NHSL1: variants seen among roughly 807,000 people sequenced by gnomAD.
The protein encoded by NHSL1 is NHS-like protein 1.
A neutral mutation model predicts 95.0 loss-of-function variants in NHSL1; 48 were observed. The observed-to-expected ratio is 0.51, with a 90% CI of 0.40 to 0.64. The LOEUF (loss-of-function observed/expected upper bound fraction) is 0.64. NHSL1 is among the 30% of genes least tolerant of loss of function. The probability of loss-of-function intolerance (pLI) is 0.00; values close to 1 mark genes in which losing one functional copy is unlikely to be tolerated. For missense variants in NHSL1, 1,971 were observed against 2,077.7 expected (o/e 0.95, Z 1.00); for synonymous variants, 783 against 833.9 (o/e 0.94, Z 1.05).
intron 1 of NHSL1, among the ~76,000 whole-genome samples, chr6:138,605,977 CAACTATAGGAAT>C (rs1316973336): frequency 1.3e-5 from 2 of 152,178 alleles, no homozygotes; most frequent in Non-Finnish European, 2.9e-5. Flanking sequence ...CTCTGAACTT[CAACTATAGGAAT>C]AACTGGAGAG....
At chr6:138,622,295 G>T (rs1011622532) in intron 1 of NHSL1, among the ~76,000 whole-genome samples, 1 of 152,034 alleles carries the variant, frequency 6.6e-6, no homozygotes, top group Non-Finnish European at 1.5e-5. Flanking sequence ...GAGGTCAGGA[G>T]ATCGAGACTA....
chr6:138,560,769 G>A (rs940351750), intron 1 of NHSL1, among the ~76,000 whole-genome samples: 3 of 152,234 alleles, frequency 2.0e-5, no homozygotes, highest in South Asian at 4.2e-4. Context: ...ATACCCACCC[G>A]TATTCAGGAA....
At chr6:138,538,265 G>A (rs1382848812) in intron 1 of NHSL1, among the ~76,000 whole-genome samples, 1 of 152,162 alleles carries the variant, frequency 6.6e-6, no homozygotes, top group Non-Finnish European at 1.5e-5. Flanking sequence ...GCTAAGGAAG[G>A]AGAGATAGAG....
intron 1 of NHSL1, chr6:138,650,866 C>CA: frequency 1.8e-6 from 1 of 541,372 alleles, no homozygotes; most frequent in East Asian, 5.2e-5. Flanking sequence ...CGTTGGACAT[C>CA]AGCTGGGGCC....
chr6:138,591,725 C>A (rs752078968), intron 1 of NHSL1, among the ~76,000 whole-genome samples: 1 of 152,204 alleles, frequency 6.6e-6, no homozygotes, highest in East Asian at 1.9e-4. Context: ...AGCCACCCTG[C>A]CCAGCTAATT....
At chr6:138,658,452 T>C (rs1025302111) in intron 1 of NHSL1, among the ~76,000 whole-genome samples, 3 of 152,244 alleles carry the variant, frequency 2.0e-5, no homozygotes, top group Admixed American at 6.5e-5. Flanking sequence ...TATTTGACTC[T>C]ATGTCTAGCT....
At chr6:138,478,977 A>G (rs566587544) in intron 2 of NHSL1, among the ~76,000 whole-genome samples, 5 of 152,328 alleles carry the variant, frequency 3.3e-5, no homozygotes, top group East Asian at 1.9e-4. Context: ...ACATGAATTT[A>G]TTACTGCTGT....
intron 6 of NHSL1, 139 bp from the exon 7 acceptor site, chr6:138,429,982 ATAGTT>A (rs1279793497): frequency 1.2e-6 from 1 of 828,990 alleles, no homozygotes; most frequent in Non-Finnish European, 1.8e-6. Context: ...CTGTAGTTTG[ATAGTT>A]TACAAAGAAG....
intron 1 of NHSL1, among the ~76,000 whole-genome samples, chr6:138,565,689 C>T (rs62432523): frequency 1.5e-4 from 23 of 151,690 alleles, no homozygotes; most frequent in Non-Finnish European, 2.5e-4. Flanking sequence ...TTTTGGGAGG[C>T]CAAGGCAGGA....
chr6:138,562,128 T>C (rs1783434478), intron 1 of NHSL1, among the ~76,000 whole-genome samples: 1 of 152,170 alleles, frequency 6.6e-6, no homozygotes, highest in South Asian at 2.1e-4. Context: ...CATTTGTGTA[T>C]ATGAACAGTG....
intron 3 of NHSL1, 122 bp downstream of exon 3, chr6:138,473,184 A>G (rs1778859915): frequency 1.1e-6 from 1 of 875,748 alleles, no homozygotes; most frequent in Non-Finnish European, 1.5e-6. Flanking sequence ...CAAGAAATTC[A>G]CTTGAGACAA....
At chr6:138,549,637 T>C (rs774892678), upstream of NHSL1, among the ~76,000 whole-genome samples, 33 of 152,196 alleles carry the variant, frequency 2.2e-4, no homozygotes, top group Non-Finnish European at 3.8e-4. Context: ...CTTGGGGTAA[T>C]TTGTTACAGT....
At position 138,430,305 on chromosome 6, in the gene NHSL1, T is replaced by C; in HGVS notation, c.3952+88A>G. 3 of 1,400,982 alleles carry C rather than the reference T, an allele frequency of 2.1e-6. No individual in the cohort carries two copies. Among genetic ancestry groups the C allele is most frequent in the South Asian group, 3.8e-5 (2 of 53,100 alleles). 86.8% of individuals were successfully genotyped at this position (1,400,982 alleles called of 1,614,324 possible). A position where few individuals can be genotyped will look rare whatever the true frequency, so the allele number is the denominator to read the frequency against. ...AGGAATCTGATCTACCTGGGTTCTT[T>C]CCACGTGTGAGCATTCAACAACCCT... On this transcript the variant is annotated intron_variant, in intron 6 of 7. Coordinates refer to ENST00000343505, the MANE Select transcript of NHSL1 (RefSeq NM_001144060.2). The surrounding 1 kb of genome is among the most constrained non-coding windows in gnomAD (Gnocchi z 4.7).
intron 1 of NHSL1, among the ~76,000 whole-genome samples, chr6:138,613,368 G>A (rs1200243252): frequency 6.6e-6 from 1 of 152,200 alleles, no homozygotes; most frequent in Non-Finnish European, 1.5e-5. Flanking sequence ...GCTCCAGTCA[G>A]TGATGGCCAC....
intron 1 of NHSL1, among the ~76,000 whole-genome samples, chr6:138,539,143 G>A (rs1293361650): frequency 6.6e-6 from 1 of 152,192 alleles, no homozygotes; most frequent in Non-Finnish European, 1.5e-5. Context: ...TTGTCATTCT[G>A]TTGGCTGTCA....
intron 1 of NHSL1, among the ~76,000 whole-genome samples, chr6:138,556,306 T>G (rs1274877508): frequency 6.6e-6 from 1 of 152,172 alleles, no homozygotes; most frequent in Non-Finnish European, 1.5e-5. Context: ...CTATGTAAAG[T>G]ACCAAAAGCT....
At chr6:138,627,800 G>A (rs1257856404) in intron 1 of NHSL1, among the ~76,000 whole-genome samples, 1 of 152,090 alleles carries the variant, frequency 6.6e-6, no homozygotes, top group Non-Finnish European at 1.5e-5. Flanking sequence ...AGAATCGCTT[G>A]AACCTGGGAG....
intron 1 of NHSL1, among the ~76,000 whole-genome samples, chr6:138,518,873 C>G (rs1404938165): frequency 6.6e-6 from 1 of 152,086 alleles, no homozygotes; most frequent in African/African-American, 2.4e-5. Flanking sequence ...CAAAAATTAG[C>G]TGGGTGTGGT....
intron 1 of NHSL1, among the ~76,000 whole-genome samples, chr6:138,667,605 A>G (rs1485672913): frequency 1.3e-5 from 2 of 152,244 alleles, no homozygotes; most frequent in African/African-American, 4.8e-5. Context: ...ATGTTTGTTC[A>G]ACCACAATGT....
Sources: allele counts gnomAD v4.1 joint callset (sites outside exome capture counted in the v4.1 genomes callset), GRCh38; gene constraint gnomAD v4.1.1; non-coding constraint Gnocchi (gnomAD v3.1); transcripts MANE v1.5; gene names NCBI Gene and HGNC (gene_info 2026-07-23, HGNC 2026-07-21).